Variants in RNF157 observed in about 807,000 individuals in gnomAD.
RNF157 encodes ring finger protein 157, also known as E3 ubiquitin ligase RNF157.
A neutral mutation model predicts 88.3 loss-of-function variants in RNF157; 55 were observed. The ratio of observed to expected loss-of-function variants is 0.62; its 90% CI spans 0.50 to 0.78. RNF157 has a LOEUF of 0.78. Ranked by LOEUF, RNF157 falls within the 30% of genes least tolerant of loss-of-function variation. The probability of loss-of-function intolerance (pLI) is 0.00; values close to 1 mark genes in which losing one functional copy is unlikely to be tolerated. For synonymous variants in RNF157, 334 were observed against 341.2 expected (o/e 0.98, Z 0.23); for missense variants, 788 against 860.8 (o/e 0.92, Z 1.06).
chr17:76,169,118 T>C (rs2068973144), intron 3 of RNF157, among the ~76,000 whole-genome samples: 1 of 152,190 alleles, frequency 6.6e-6, no homozygotes, highest in Non-Finnish European at 1.5e-5. Flanking sequence ...CATTCTCTGT[T>C]CTCTGTAGAA....
chr17:76,177,441 A>C (rs1440929777), intron 2 of RNF157, among the ~76,000 whole-genome samples: 2 of 151,670 alleles, frequency 1.3e-5, no homozygotes, highest in Non-Finnish European at 2.9e-5. Context: ...AGGAGTGCAC[A>C]TGCTCGGGGT....
chr17:76,227,831 C>A (rs1407285720), intron 1 of RNF157, among the ~76,000 whole-genome samples: 1 of 152,034 alleles, frequency 6.6e-6, no homozygotes, highest in Admixed American at 6.6e-5. Context: ...GAGCCAAGAT[C>A]GCCCCATTGC....
At chr17:76,154,400 C>T in intron 16 of RNF157, 72 bp from the exon 17 acceptor site, 1 of 960,410 alleles carries the variant, frequency 1.0e-6, no homozygotes, top group Non-Finnish European at 1.7e-6. Flanking sequence ...GAAGACAGAA[C>T]TAATCATCCT....
intron 6 of RNF157, among the ~76,000 whole-genome samples, chr17:76,165,820 G>A (rs564459144): frequency 1.3e-5 from 2 of 152,112 alleles, no homozygotes; most frequent in East Asian, 1.9e-4. Context: ...GGGATTATAC[G>A]CATGAGCCAC....
chr17:76,196,239 A>C (rs558609302), intron 2 of RNF157, among the ~76,000 whole-genome samples: 10 of 152,346 alleles, frequency 6.6e-5, no homozygotes, highest in African/African-American at 2.4e-4. Context: ...GAGATAAATA[A>C]ATGTCACAAA....
chr17:76,171,151 CA>C (rs1302771531), intron 3 of RNF157, among the ~76,000 whole-genome samples: 1 of 151,666 alleles, frequency 6.6e-6, no homozygotes, highest in African/African-American at 2.4e-5. Flanking sequence ...CTTGGCCTCC[CA>C]AAGTGCTGGG....
intron 18 of RNF157, among the ~76,000 whole-genome samples, chr17:76,151,246 C>G (rs964592348): frequency 2.6e-5 from 4 of 152,218 alleles, no homozygotes. Flanking sequence ...GTCTTTAGAA[C>G]AAACTAAATA....
Position 76,188,190 on chromosome 17 carries a change from C to T in RNF157, c.208-14400G>A, listed in dbSNP as rs138096340. Among the ~76,000 whole-genome samples, 377 of 152,256 alleles carry T rather than the reference C, an allele frequency of 2.5e-3. 5 individuals are homozygous for T. The highest frequency in any genetic ancestry group is 8.4e-3 in the African/African-American group (349 of 41,544). ...AGAACTTTAGGTTCTAGATGGTGAA[C>T]ACCCATACTCTATCATGCTCCAACT... is the stretch of plus-strand genomic sequence containing the variant. On this transcript the variant is annotated intron_variant, in intron 2 of 18. Coordinates refer to ENST00000269391, the MANE Select transcript of RNF157 (RefSeq NM_052916.3).
At chr17:76,224,039 G>A (rs1006073842) in intron 1 of RNF157, among the ~76,000 whole-genome samples, 1 of 152,100 alleles carries the variant, frequency 6.6e-6, no homozygotes, top group Admixed American at 6.6e-5. Context: ...AGAACTCAGG[G>A]CAATGCAAAG....
intron 2 of RNF157, among the ~76,000 whole-genome samples, chr17:76,201,690 G>C (rs2069581865): frequency 6.6e-6 from 1 of 152,004 alleles, no homozygotes; most frequent in South Asian, 2.1e-4. Context: ...TATCCGAAAT[G>C]AAATCAGACT....
At chr17:76,154,006 G>GA in intron 17 of RNF157, 1 of 387,832 alleles carries the variant, frequency 2.6e-6, no homozygotes, top group South Asian at 2.7e-5. Context: ...GAGAGCTTCC[G>GA]AATCTACTTC....
chr17:76,169,579 G>T lies in RNF157; in HGVS notation c.297-1782C>A, dbSNP rs1038287459. The stretch of plus-strand genomic sequence containing the variant: ...GAGCCACCACACCCGGCCTAGTTAG[G>T]TTTTTTTTTTTTTTTTTTGAGATGA... On this transcript the variant is annotated intron_variant, in intron 3 of 18. Coordinates refer to ENST00000269391, the MANE Select transcript of RNF157 (RefSeq NM_052916.3). 1.6e-4 allele frequency among the ~76,000 whole-genome samples: 22 copies of T among 133,494 alleles called. No individual in the cohort carries two copies. In the East Asian group the frequency reaches 4.1e-3, roughly 25 times the overall value. 87.6% of individuals were successfully genotyped at this position (133,494 alleles called of 152,430 possible). A position where few individuals can be genotyped will look rare whatever the true frequency, so the allele number is the denominator to read the frequency against.
In RNF157 at chr17:76,159,590, C is replaced by A. The variant is rs775784320; in HGVS notation, c.1066-17G>T. ...CTCTGAGGACTAGGGGAATCAGAGA[C>A]AGGTTGAAAAATTAATTAGGTCCTT... is the stretch of plus-strand genomic sequence containing the variant. On this transcript the variant is annotated splice_polypyrimidine_tract_variant and intron_variant, in intron 11 of 18. Coordinates refer to ENST00000269391, the MANE Select transcript of RNF157 (RefSeq NM_052916.3). The A allele has an allele frequency of 2.3e-5, 36 of 1,555,688 alleles. No individual in the cohort carries two copies. Among genetic ancestry groups the A allele is most frequent in the Middle Eastern group, 1.7e-4 (1 of 5,950 alleles).
At chr17:76,151,328 C>T (rs531814228) in intron 18 of RNF157, among the ~76,000 whole-genome samples, 1 of 152,248 alleles carries the variant, frequency 6.6e-6, no homozygotes, top group African/African-American at 2.4e-5. Flanking sequence ...TCCCCTGCCA[C>T]AAGCTTGTGT....
rs2144835381 is a variant in RNF157, at chr17:76,161,311, T to C, written c.1065+224A>G. Among the ~76,000 whole-genome samples the C allele has an allele frequency of 1.3e-5, 2 of 152,178 alleles. 1 individual carries two copies. The highest frequency in any genetic ancestry group is 4.1e-4 in the South Asian group (2 of 4,822). ...CAGATGGCTCTAGGAATGGTAAACATTAACTGGACACCAAGTTCCCAAGGA... is the reference window on the plus strand; with the variant it reads ...CAGATGGCTCTAGGAATGGTAAACACTAACTGGACACCAAGTTCCCAAGGA... On this transcript the variant is annotated intron_variant, in intron 11 of 18. Coordinates refer to ENST00000269391, the MANE Select transcript of RNF157 (RefSeq NM_052916.3). The surrounding 1 kb of genome is among the most constrained non-coding windows in gnomAD (Gnocchi z 4.6).
intron 2 of RNF157, among the ~76,000 whole-genome samples, chr17:76,199,770 C>CT (rs2069541188): frequency 6.6e-6 from 1 of 152,056 alleles, no homozygotes; most frequent in Non-Finnish European, 1.5e-5. Flanking sequence ...GACCCCGTCT[C>CT]TCTGAAGATC....
chr17:76,231,418 C>T (rs1358166284), intron 1 of RNF157, among the ~76,000 whole-genome samples: 2 of 152,078 alleles, frequency 1.3e-5, no homozygotes, highest in African/African-American at 4.8e-5. Flanking sequence ...GGCTTGTCTT[C>T]TCAACTTTTT....
At chr17:76,181,511 C>T (rs1379034240) in intron 2 of RNF157, among the ~76,000 whole-genome samples, 2 of 152,210 alleles carry the variant, frequency 1.3e-5, no homozygotes, top group Non-Finnish European at 2.9e-5. Context: ...CCAGCAGCCA[C>T]AGCCACAATG....
chr17:76,146,628 T>C lies in RNF157; in HGVS notation c.1922-1275A>G. The stretch of plus-strand genomic sequence containing the variant: ...GCATCTCTGGCCGGGGGAGGCCCAG[T>C]GTGCTCCTAAGTGCTCCCTGCAGCC... On this transcript the variant is annotated intron_variant, in intron 18 of 18. Transcript: ENST00000269391. The surrounding 1 kb of genome is among the most constrained non-coding windows in gnomAD (Gnocchi z 4.2). 1.0e-6 allele frequency: 1 copy of C among 985,468 alleles called. No homozygotes were observed. The highest frequency in any genetic ancestry group is 1.2e-6 in the Non-Finnish European group (1 of 829,930). 61.0% of individuals were successfully genotyped at this position (985,468 alleles called of 1,614,324 possible). A position where few individuals can be genotyped will look rare whatever the true frequency, so the allele number is the denominator to read the frequency against.
Sources: gnomAD v4.1 joint callset for allele counts (sites outside exome capture counted in the v4.1 genomes callset) on GRCh38, gnomAD v4.1.1 for gene constraint, Gnocchi (gnomAD v3.1) non-coding constraint, MANE v1.5 for transcripts, NCBI Gene and HGNC (gene_info 2026-07-23, HGNC 2026-07-21) for gene names.